The following PKD1 variants were observed in gnomAD, a reference collection of about 807,000 sequenced individuals.
PKD1 encodes the protein polycystin 1, transient receptor potential channel interacting, also known as polycystin-1.
A neutral mutation model predicts 361.7 loss-of-function variants in PKD1; 81 were observed. The ratio of observed to expected loss-of-function variants is 0.22; its 90% CI spans 0.19 to 0.27. The LOEUF is 0.27. PKD1 is among the 10% of genes least tolerant of loss of function. PKD1 has a pLI of 1.00. For missense variants in PKD1, 6,399 were observed against 6,118.3 expected (o/e 1.05, Z -1.53); for synonymous variants, 3,615 against 2,818.3 (o/e 1.28, Z -8.95).
intron 34 of PKD1, 73 bp downstream of exon 34, chr16:2,097,075 A>T (rs1596499881): frequency 2.5e-6 from 1 of 405,646 alleles, no homozygotes; most frequent in South Asian, 1.8e-5. Flanking sequence ...CCCAGGCGGG[A>T]ACCACGGCTG....
Position 2,094,012 on chromosome 16 carries a change from T to A in PKD1, c.10620A>T (p.Gly3540=). The part of the protein sequence containing the change: ...QPQAARLSRT[G]LVEGLRKRLL... ...GGCGCTTCCGCAGACCCTCCACCAG[T>A]CCTGGGGAAGCAGAGACAGACCTGT... is the stretch of plus-strand genomic sequence containing the variant. Residue 3540 remains glycine (G), a splice_region_variant and synonymous_variant, in exon 36 of 46, where the codon GGA becomes GGT. Coordinates refer to ENST00000262304, the MANE Select transcript of PKD1 (RefSeq NM_001009944.3). 1 of 1,590,382 alleles carries A rather than the reference T, an allele frequency of 6.3e-7. No individual in the cohort carries two copies. Among genetic ancestry groups the A allele is most frequent in the Non-Finnish European group, 8.5e-7 (1 of 1,169,802 alleles).
chr16:2,127,310 TCA>T (rs2092811580), intron 1 of PKD1, among the ~76,000 whole-genome samples: 1 of 151,948 alleles, frequency 6.6e-6, no homozygotes, highest in South Asian at 2.1e-4. Context: ...CCCGCACGTC[TCA>T]CACACACCAG....
chr16:2,106,859 G>C lies in PKD1; in HGVS notation c.7155C>G (p.Ser2385=), dbSNP rs1188196077. 2 of 1,550,470 alleles carry C rather than the reference G, an allele frequency of 1.3e-6. No individual in the cohort carries two copies. Among genetic ancestry groups the C allele is most frequent in the Non-Finnish European group, 1.7e-6 (2 of 1,143,440 alleles). Residue 2385 remains serine, a synonymous_variant, in exon 17 of 46, where the codon TCC becomes TCG. Transcript: ENST00000262304. This position sits in a 1 kb window ranked among gnomAD's most constrained non-coding sequence, Gnocchi z 6.5. The part of the protein sequence containing the change: ...AQAVYEVSRS[S]YVYLEGRCLN... Reference sequence around the variant, plus strand: ...GGCAGCGGCCCTCCAAGTACACGTAGGAGCTGCGGCTCACTTCGTACACGG... The same window carrying C: ...GGCAGCGGCCCTCCAAGTACACGTACGAGCTGCGGCTCACTTCGTACACGG...
At position 2,090,297 on chromosome 16, in the gene PKD1, G is replaced by A; in HGVS notation, c.12432C>T (p.Ser4144=). ...LRRLRLWMGL[S]KVKEFRHKVR... is the part of the protein sequence containing the mutation. ...GGGCCGTACCCACCTCCTTGACCTT[G>A]CTGAGGCCCATCCAGAGGCGCAGCC... The change falls in exon 45 of 46, where the codon AGC becomes AGT. Residue 4144 remains serine (S), a synonymous_variant. Transcript: ENST00000262304. The A allele has an allele frequency of 6.2e-7, 1 of 1,610,414 alleles. No homozygotes were observed. The highest frequency in any genetic ancestry group is 1.3e-5 in the African/African-American group (1 of 74,974).
rs766424461 is a variant in PKD1 at position 2,116,083 on chromosome 16, T to G, written c.1758A>C (p.Glu586Asp). Residue 586 changes from glutamate (E) to aspartate (D), a missense_variant, in exon 9 of 46, where the codon GAA becomes GAC. Physicochemically the swap from Glu to Asp is conservative, Grantham distance 45. Transcript: ENST00000262304. ...CAAATTCGGCCGTGGTGAGGAAGGC[T>G]TCACGGCTCAGACGCAGGCCCGGGA... ...MVFPGLRLSREAFLTTAEFGT... is the reference protein window; with the variant it reads ...MVFPGLRLSRDAFLTTAEFGT... 1.4e-4 allele frequency: 220 copies of G among 1,535,684 alleles called. No homozygotes were observed. The Middle Eastern group carries it at 1.6e-3, about 11-fold the overall frequency.
Position 2,100,283 on chromosome 16 carries a change from G to C in PKD1, c.9595C>G (p.His3199Asp). 1 of 1,610,822 alleles carries C rather than the reference G, an allele frequency of 6.2e-7. No homozygotes were observed. ...KGLSPAWFLQ[H>D]VIVRDLQTAR... ...GTCTGCAGGTCCCTGACGATGACGT[G>C]CTGCAGGAACCAGGCAGGGCTGAGC... Residue 3199 changes from histidine (H) to aspartate (D), a missense_variant, in exon 28 of 46, where the codon CAC (histidine) becomes GAC (aspartate). Physicochemically the swap from His to Asp is moderately conservative, Grantham distance 81 (BLOSUM62 -1). Coordinates refer to ENST00000262304, the MANE Select transcript of PKD1 (RefSeq NM_001009944.3). The surrounding 1 kb of genome is among the most constrained non-coding windows in gnomAD (Gnocchi z 4.4).
In PKD1 at chr16:2,118,392, G is replaced by A. The variant is rs2092674009; in HGVS notation, c.600C>T (p.Ala200=). The A allele has an allele frequency of 2.4e-6, 3 of 1,247,642 alleles. No homozygotes were observed. The highest frequency in any genetic ancestry group is 3.4e-6 in the Non-Finnish European group (3 of 885,020). The allele number at this position is 1,247,642 out of a possible 1,614,324, so 77.3% of individuals were successfully genotyped here. A position where few individuals can be genotyped will look rare whatever the true frequency, so the allele number is the denominator to read the frequency against. The change falls in exon 5 of 46, where the codon GCC becomes GCT. Residue 200 remains alanine, a synonymous_variant. Coordinates refer to ENST00000262304, the MANE Select transcript of PKD1 (RefSeq NM_001009944.3). The surrounding 1 kb of genome is among the most constrained non-coding windows in gnomAD (Gnocchi z 6.0). ...CCTCTGGCTGAAGCAGGCCTTCGTG[G>A]GCAGCTGAAAAGGACACTGCTGCCA... ...GTVAAVSFSA[A]HEGLLQPEAC...
chr16:2,088,879 G>GCACA lies in PKD1; in HGVS notation c.*847_*848insTGTG, dbSNP rs1371941622. 21 of 469,712 alleles carry GCACA rather than the reference G, an allele frequency of 4.5e-5. No individual in the cohort carries two copies. In the African/African-American group the frequency reaches 6.8e-4, roughly 15 times the overall value. The allele number at this position is 469,712 out of a possible 1,614,324, so 29.1% of individuals were successfully genotyped here. ...ATACAGCACACTCGCGCGTGCGCGC[G>GCACA]CGCACACACACACACACACAGTCAC... On this transcript the variant is annotated 3_prime_UTR_variant, in exon 46 of 46. Transcript: ENST00000262304.
At position 2,092,147 on chromosome 16, in the gene PKD1, A is replaced by G; in HGVS notation, c.11311T>C (p.Ser3771Pro). Residue 3771 changes from serine (S) to proline (P), a missense_variant, in exon 40 of 46, where the codon TCG becomes CCG. By Grantham distance (74) the Ser-to-Pro change is moderately conservative. Coordinates refer to ENST00000262304, the MANE Select transcript of PKD1 (RefSeq NM_001009944.3). ...DPPGPRVHTCSAAGGFSTSDY... is the reference protein window; with the variant it reads ...DPPGPRVHTCPAAGGFSTSDY... ...CTGGTGCTGAAGCCTCCTGCGGCCG[A>G]GCACGTGTGGACCCTGGGGCCGGGA... 1 of 1,612,370 alleles carries G rather than the reference A, an allele frequency of 6.2e-7. No homozygotes were observed. Among genetic ancestry groups the G allele is most frequent in the East Asian group, 2.2e-5 (1 of 44,868 alleles).
Position 2,108,494 on chromosome 16 carries a change from C to G in PKD1, c.6673G>C (p.Val2225Leu), listed in dbSNP as rs541999287. The stretch of plus-strand genomic sequence containing the variant: ...ACAAACACAAAGCAGTAGTGCCCCA[C>G]AGGCAGCGCCAGCCGCGGCAGCACC... ...RLVLPRLALP[V>L]GHYCFVFVVS... Residue 2225 changes from valine to leucine, a missense_variant, in exon 15 of 46, where the codon GTG becomes CTG. Coordinates refer to ENST00000262304, the MANE Select transcript of PKD1 (RefSeq NM_001009944.3). 1 of 1,609,620 alleles carries G rather than the reference C, an allele frequency of 6.2e-7. No homozygotes were observed. The highest frequency in any genetic ancestry group is 1.1e-5 in the South Asian group (1 of 90,984).
In PKD1 at chr16:2,103,538, C is replaced by T. The variant is rs1385977345; in HGVS notation, c.8519G>A (p.Ser2840Asn). The T allele has an allele frequency of 6.2e-7, 1 of 1,608,636 alleles. No homozygotes were observed. The highest frequency in any genetic ancestry group is 2.2e-5 in the East Asian group (1 of 44,860). Residue 2840 changes from serine to asparagine, a missense_variant, in exon 23 of 46, where the codon AGC becomes AAC. Physicochemically the swap from Ser to Asn is conservative, Grantham distance 46 (BLOSUM62 1). Transcript: ENST00000262304. The stretch of plus-strand genomic sequence containing the variant: ...CACCTTGGTGGAGACGGTGTAGTTG[C>T]TGATATAGCCAAAGGGAAAGGGATT... ...DSNPFPFGYISNYTVSTKVAS... is the reference protein window; with the variant it reads ...DSNPFPFGYINNYTVSTKVAS...
chr16:2,124,020 C>A (rs1401130433), intron 1 of PKD1, among the ~76,000 whole-genome samples: 1 of 152,198 alleles, frequency 6.6e-6, no homozygotes, highest in African/African-American at 2.4e-5. Context: ...TGGGACCCAG[C>A]GGGCTCCTTA....
intron 42 of PKD1, 21 bp downstream of exon 42, chr16:2,091,402 T>C (rs1319712458): frequency 8.1e-6 from 9 of 1,110,464 alleles, no homozygotes; most frequent in Non-Finnish European, 9.9e-6. Context: ...AGGCGCGGGG[T>C]CTGGCCGGGG....
rs1210378646 is a variant in PKD1 at position 2,114,572 on chromosome 16, C to G, written c.2451G>C (p.Val817=). 14 of 1,594,312 alleles carry G rather than the reference C, an allele frequency of 8.8e-6. No individual in the cohort carries two copies. The African/African-American group carries it at 1.7e-4, about 20-fold the overall frequency. The change falls in exon 11 of 46, where the codon GTG becomes GTC. Residue 817 remains valine, a synonymous_variant. Coordinates refer to ENST00000262304, the MANE Select transcript of PKD1 (RefSeq NM_001009944.3). ...CCCGCAGCCCAGCCACTGGGGAGAC[C>G]ACGTCAAAGCTGCAGGAGAGGTTGT... ...SRHNLSCSFD[V]VSPVAGLRVI...
rs577809626 is a variant in PKD1, at chr16:2,103,393, G to C, written c.8664C>G (p.Arg2888=). Residue 2888 remains arginine (R), a synonymous_variant, in exon 23 of 46, where the codon CGC becomes CGG. Coordinates refer to ENST00000262304, the MANE Select transcript of PKD1 (RefSeq NM_001009944.3). ...CGGAGTTGGCGGAGTTGGCGGAGCT[G>C]CGGTGGCCCCGGGCAGCCCAGTCCG... is the stretch of plus-strand genomic sequence containing the variant. ...NNSDWAARGH[R]SSANSANSVV... is the part of the protein sequence containing the mutation. 3 of 1,600,436 alleles carry C rather than the reference G, an allele frequency of 1.9e-6. No individual in the cohort carries two copies. Among genetic ancestry groups the C allele is most frequent in the Admixed American group, 3.3e-5 (2 of 59,990 alleles).
Position 2,104,611 on chromosome 16 carries a change from C to G in PKD1, c.8048G>C (p.Cys2683Ser), listed in dbSNP as rs773445757. ...CAGCTTGTGCAGCGTCTGCTTCAGG[C>G]ACGAGCGGCATACGAGCTCCCTGCT... The part of the protein sequence containing the change: ...GPSRELVCRS[C>S]LKQTLHKLEA... The change falls in exon 22 of 46, where the codon TGC becomes TCC. Residue 2683 changes from cysteine to serine, a missense_variant. Coordinates refer to ENST00000262304, the MANE Select transcript of PKD1 (RefSeq NM_001009944.3). 18 of 1,589,208 alleles carry G rather than the reference C, an allele frequency of 1.1e-5. No individual in the cohort carries two copies. The highest frequency in any genetic ancestry group is 1.4e-5 in the Non-Finnish European group (16 of 1,168,552).
rs1380689750 is a variant in PKD1 at position 2,105,974 on chromosome 16, G to A, written c.7754C>T (p.Thr2585Ile). The A allele has an allele frequency of 3.7e-6, 6 of 1,601,804 alleles. No individual in the cohort carries two copies. The highest frequency in any genetic ancestry group is 5.1e-6 in the Non-Finnish European group (6 of 1,179,604). ...PEPNGSATGLTVWLHGLTASV... is the reference protein window; with the variant it reads ...PEPNGSATGLIVWLHGLTASV... ...AGCGGTGAGCCCGTGCAGCCAGACTGTGAGCCCCGTTGCGCTGCCGTTGGG... is the reference window on the plus strand; with the variant it reads ...AGCGGTGAGCCCGTGCAGCCAGACTATGAGCCCCGTTGCGCTGCCGTTGGG... The change falls in exon 20 of 46, where the codon ACA (threonine) becomes ATA (isoleucine). Residue 2585 changes from threonine to isoleucine, a missense_variant. Transcript: ENST00000262304.
chr16:2,120,927 G>A lies in PKD1; in HGVS notation c.216-1549C>T, dbSNP rs185191014. Among the ~76,000 whole-genome samples the A allele has an allele frequency of 8.9e-3, 1,348 of 152,048 alleles. 17 individuals carry two copies. The highest frequency in any genetic ancestry group is 0.03 in the African/African-American group (1,252 of 41,450). ...AGCCACTCAGGAGGCTGAGGCAGGAGAATCACGTGAACCCGGGAGGCGAAG... is the reference window on the plus strand; with the variant it reads ...AGCCACTCAGGAGGCTGAGGCAGGAAAATCACGTGAACCCGGGAGGCGAAG... On this transcript the variant is annotated intron_variant, in intron 1 of 45. Coordinates refer to ENST00000262304, the MANE Select transcript of PKD1 (RefSeq NM_001009944.3).
chr16:2,103,303 G>A lies in PKD1; in HGVS notation c.8754C>T (p.Ala2918=), dbSNP rs1451691922. ...VVTLDSSNPA[A]GLHLQLNYTL... is the part of the protein sequence containing the mutation. ...TATAGTTGAGCTGCAGATGCAGCCC[G>A]GCCGCAGGGTTGCTGCTGTCCAGGG... Residue 2918 remains alanine, a synonymous_variant, in exon 23 of 46, where the codon GCC becomes GCT. Transcript: ENST00000262304. The A allele has an allele frequency of 1.5e-5, 24 of 1,608,924 alleles. No homozygotes were observed. Among genetic ancestry groups the A allele is most frequent in the East Asian group, 4.5e-5 (2 of 44,886 alleles).
Sources: gnomAD v4.1 joint callset for allele counts (sites outside exome capture counted in the v4.1 genomes callset) on GRCh38, gnomAD v4.1.1 for gene constraint, Gnocchi (gnomAD v3.1) non-coding constraint, MANE v1.5 for transcripts, NCBI Gene and HGNC (gene_info 2026-07-23, HGNC 2026-07-21) for gene names.